LRMDA: variants seen among roughly 807,000 people sequenced by gnomAD.
The protein encoded by LRMDA is leucine-rich melanocyte differentiation-associated protein.
Under a neutral mutation model 29.8 loss-of-function variants are expected in LRMDA, and 18 were observed. The ratio of observed to expected loss-of-function variants is 0.60; its 90% confidence interval spans 0.42 to 0.90. LRMDA has a LOEUF of 0.90. LRMDA is among the 40% of genes least tolerant of loss of function. LRMDA has a pLI of 0.00. For synonymous variants in LRMDA, 125 were observed against 109.4 expected, an observed-to-expected ratio of 1.14 and a Z score of -0.89; for missense variants, 273 against 273.9, an observed-to-expected ratio of 1.00 and a Z score of 0.02.
chr10:75,674,203 A>G (rs1171278740), intron 2 of LRMDA, among the ~76,000 whole-genome samples: 1 of 152,192 alleles, frequency 6.6e-6, no homozygotes, highest in South Asian at 2.1e-4. Flanking sequence ...CAAGACATTT[A>G]TTTCATTTGA....
chr10:76,007,027 T>TGCGC (rs1361976113), intron 2 of LRMDA, among the ~76,000 whole-genome samples: 7 of 27,754 alleles, frequency 2.5e-4, no homozygotes, highest in African/African-American at 5.9e-4. Context: ...TGTGTGTGTG[T>TGCGC]GTGTGCGCGT....
intron 6 of LRMDA, among the ~76,000 whole-genome samples, chr10:76,482,968 A>G (rs543865082): frequency 1.1e-4 from 17 of 151,926 alleles, no homozygotes; most frequent in African/African-American, 2.4e-4. Flanking sequence ...TCTCATTTGC[A>G]TTTTCCCTGT....
intron 2 of LRMDA, among the ~76,000 whole-genome samples, chr10:75,749,936 G>A (rs1031831208): frequency 4.6e-5 from 7 of 152,300 alleles, no homozygotes; most frequent in Admixed American, 2.6e-4. Context: ...CAGAGAGCAC[G>A]GGGTTGGGGG....
chr10:75,680,417 T>A (rs1564538189), intron 2 of LRMDA, among the ~76,000 whole-genome samples: 1 of 152,060 alleles, frequency 6.6e-6, no homozygotes, highest in Non-Finnish European at 1.5e-5. Flanking sequence ...GTAAATATGA[T>A]TTGTTTATAT....
intron 2 of LRMDA, among the ~76,000 whole-genome samples, chr10:75,983,678 A>G (rs1342247267): frequency 6.6e-6 from 1 of 152,108 alleles, no homozygotes; most frequent in Non-Finnish European, 1.5e-5. Flanking sequence ...TTTTTGATAC[A>G]GAGTCTTGCT....
chr10:75,988,502 G>A (rs1304436663), intron 2 of LRMDA, among the ~76,000 whole-genome samples: 1 of 151,798 alleles, frequency 6.6e-6, no homozygotes, highest in Non-Finnish European at 1.5e-5. Flanking sequence ...TGAGCATTTA[G>A]AAAAACATAA....
intron 6 of LRMDA, among the ~76,000 whole-genome samples, chr10:76,409,158 A>T (rs1564533400): frequency 6.6e-6 from 1 of 152,214 alleles, no homozygotes; most frequent in Non-Finnish European, 1.5e-5. Context: ...CTACAAGAGG[A>T]TGGACACGTA....
In LRMDA at chr10:76,239,210, T is replaced by C. The variant is rs146001105; in HGVS notation, c.517-85191T>C. On this transcript the variant is annotated intron_variant, in intron 5 of 6. Coordinates refer to ENST00000611255, the MANE Select transcript of LRMDA (RefSeq NM_001305581.2). The stretch of plus-strand genomic sequence containing the variant: ...GGGTGGCCAGCTGCTTGCTTGGGTC[T>C]CAGGGGAGAGGCCCTGATCTTTCTG... 1.0e-3 allele frequency among the ~76,000 whole-genome samples: 152 copies of C among 152,304 alleles called. 4 individuals carry two copies. In the East Asian group the frequency reaches 0.028, roughly 28 times the overall value.
chr10:75,593,415 CTGTT>C (rs1231609289), intron 2 of LRMDA, among the ~76,000 whole-genome samples: 3 of 152,210 alleles, frequency 2.0e-5, no homozygotes, highest in Admixed American at 6.5e-5. Context: ...ATGATTGAGT[CTGTT>C]TGTTATACCT....
At chr10:75,774,527 T>C (rs1843284324) in intron 2 of LRMDA, among the ~76,000 whole-genome samples, 1 of 152,180 alleles carries the variant, frequency 6.6e-6, no homozygotes, top group African/African-American at 2.4e-5. Flanking sequence ...AGTTAAAAGT[T>C]CTGTATGCAG....
chr10:76,137,829 C>T (rs957092788), intron 5 of LRMDA, among the ~76,000 whole-genome samples: 16 of 150,394 alleles, frequency 1.1e-4, no homozygotes, highest in Admixed American at 9.9e-4. Context: ...GACAATGTGT[C>T]GGAATCCTGG....
intron 6 of LRMDA, among the ~76,000 whole-genome samples, chr10:76,486,801 A>T (rs993432171): frequency 1.3e-5 from 2 of 151,862 alleles, no homozygotes; most frequent in Non-Finnish European, 2.9e-5. Flanking sequence ...TTATGCCATT[A>T]TGCTGCTGCC....
intron 2 of LRMDA, among the ~76,000 whole-genome samples, chr10:75,905,922 A>G (rs1369893980): frequency 2.3e-5 from 3 of 127,970 alleles, no homozygotes; most frequent in Non-Finnish European, 4.7e-5. Context: ...GAGTCCCCCT[A>G]GCCAAAGGTT....
At position 75,686,984 on chromosome 10, in the gene LRMDA, C is replaced by A. The variant is rs117582605; in HGVS notation, c.131+248490C>A. On this transcript the variant is annotated intron_variant, in intron 2 of 6. Coordinates refer to ENST00000611255, the MANE Select transcript of LRMDA (RefSeq NM_001305581.2). ...ATAATTGTTTTGACCATGAACCTTA[C>A]CCATATAAGACAGAGAACTGAATAA... 4.9e-4 allele frequency among the ~76,000 whole-genome samples: 74 copies of A among 152,284 alleles called. 6 individuals carry two copies. In the East Asian group the frequency reaches 0.014, roughly 29 times the overall value.
intron 2 of LRMDA, among the ~76,000 whole-genome samples, chr10:75,991,057 AGACT>A (rs1294314185): frequency 5.9e-5 from 9 of 151,974 alleles, no homozygotes; most frequent in African/African-American, 1.9e-4. Flanking sequence ...TAAACAGTGT[AGACT>A]TAGAATTGTA....
intron 2 of LRMDA, among the ~76,000 whole-genome samples, chr10:76,015,934 G>C (rs1204513550): frequency 2.0e-5 from 3 of 152,130 alleles, no homozygotes; most frequent in Admixed American, 1.3e-4. Flanking sequence ...CTTTGAAATT[G>C]TCATTCTTGG....
At chr10:75,498,527 G>T (rs1845075610) in intron 2 of LRMDA, among the ~76,000 whole-genome samples, 1 of 152,216 alleles carries the variant, frequency 6.6e-6, no homozygotes, top group South Asian at 2.1e-4. Flanking sequence ...GGAGTTTGGT[G>T]AGTCAGCAGC....
chr10:75,488,929 G>A (rs1350050033), intron 2 of LRMDA, among the ~76,000 whole-genome samples: 2 of 152,060 alleles, frequency 1.3e-5, no homozygotes, highest in African/African-American at 4.8e-5. Context: ...TTCCCTTCGT[G>A]GGAACCAACT....
At chr10:76,345,077 T>A (rs1276595707) in intron 6 of LRMDA, among the ~76,000 whole-genome samples, 3 of 138,858 alleles carry the variant, frequency 2.2e-5, no homozygotes, top group Non-Finnish European at 4.7e-5. Flanking sequence ...TTTTTTTTTT[T>A]TTTTTTTGAG....
Sources: allele counts gnomAD v4.1 joint callset (sites outside exome capture counted in the v4.1 genomes callset), GRCh38; gene constraint gnomAD v4.1.1; transcripts MANE v1.5; gene names NCBI Gene and HGNC (gene_info 2026-07-23, HGNC 2026-07-21).